The following SAXO1 variants were observed in gnomAD, a reference collection of about 807,000 sequenced individuals.
SAXO1 encodes the protein 4930500O09Rik.
A neutral mutation model predicts 17.5 loss-of-function variants in SAXO1; 21 were observed. The observed-to-expected ratio is 1.20, with a 90% CI of 0.85 to 1.72. SAXO1 has a LOEUF of 1.72. Among genes scored for constraint, SAXO1 ranks in the 40% most tolerant of loss-of-function variants. The probability of loss-of-function intolerance (pLI) is 0.00; values close to 1 mark genes in which losing one functional copy is unlikely to be tolerated. For missense variants in SAXO1, 843 were observed against 596.0 expected, an observed-to-expected ratio of 1.41 and a Z score of -4.32; for synonymous variants, 274 against 216.5, an observed-to-expected ratio of 1.27 and a Z score of -2.33.
intron 3 of SAXO1, among the ~76,000 whole-genome samples, chr9:18,940,016 G>A (rs1478129732): frequency 6.6e-6 from 1 of 152,180 alleles, no homozygotes; most frequent in Non-Finnish European, 1.5e-5. Context: ...TTTGCTAGGA[G>A]GAAACAGCAA....
intron 1 of SAXO1, among the ~76,000 whole-genome samples, chr9:18,985,602 G>A (rs763769691): frequency 1.4e-4 from 22 of 152,252 alleles, no homozygotes; most frequent in Non-Finnish European, 3.1e-4. Context: ...TGGCAAAGCT[G>A]CCCAAGGATG....
At chr9:19,018,881 T>A (rs969699406) in intron 1 of SAXO1, among the ~76,000 whole-genome samples, 1 of 151,860 alleles carries the variant, frequency 6.6e-6, no homozygotes, top group African/African-American at 2.4e-5. Flanking sequence ...AGGCTGAGGC[T>A]GGTGGATCAC....
At chr9:18,968,477 T>A (rs1832815515) in intron 1 of SAXO1, among the ~76,000 whole-genome samples, 1 of 152,218 alleles carries the variant, frequency 6.6e-6, no homozygotes, top group African/African-American at 2.4e-5. Flanking sequence ...GTTATACACT[T>A]GAAGTTTTTC....
chr9:18,937,900 G>A (rs2131688482), intron 3 of SAXO1, among the ~76,000 whole-genome samples: 1 of 152,170 alleles, frequency 6.6e-6, no homozygotes. Context: ...TAAGAAAGTA[G>A]TATTCAAAAA....
intron 1 of SAXO1, among the ~76,000 whole-genome samples, chr9:19,015,484 T>C (rs1158087643): frequency 6.6e-6 from 1 of 152,114 alleles, no homozygotes; most frequent in East Asian, 1.9e-4. Flanking sequence ...GCTGGGATTA[T>C]GTGTGTGTAC....
intron 1 of SAXO1, among the ~76,000 whole-genome samples, chr9:19,007,291 G>C (rs901202762): frequency 6.6e-6 from 1 of 152,018 alleles, no homozygotes; most frequent in African/African-American, 2.4e-5. Flanking sequence ...AGGTTGCAGT[G>C]AGCTGAGATC....
At chr9:19,003,102 GACAA>G (rs1209332321) in intron 1 of SAXO1, among the ~76,000 whole-genome samples, 3 of 152,048 alleles carry the variant, frequency 2.0e-5, no homozygotes, top group Non-Finnish European at 4.4e-5. Flanking sequence ...ACAAAGAACA[GACAA>G]ACAGAGAGCC....
upstream of SAXO1, among the ~76,000 whole-genome samples, chr9:19,033,709 G>A (rs190320638): frequency 1.1e-3 from 168 of 152,328 alleles, 1 homozygote; most frequent in African/African-American, 4.0e-3. Context: ...CACTTCTCCA[G>A]ATGCTGGTAA....
intron 1 of SAXO1, among the ~76,000 whole-genome samples, chr9:18,992,514 T>G (rs984653660): frequency 1.3e-5 from 2 of 152,188 alleles, no homozygotes; most frequent in African/African-American, 2.4e-5. Flanking sequence ...AAGATCATAT[T>G]TGGAGGCTGG....
chr9:19,029,895 C>A (rs913025599), intron 1 of SAXO1, among the ~76,000 whole-genome samples: 1 of 152,202 alleles, frequency 6.6e-6, no homozygotes, highest in Non-Finnish European at 1.5e-5. Flanking sequence ...AAACAAAAAA[C>A]GCCATCCATT....
At chr9:18,937,905 C>CA (rs920558398) in intron 3 of SAXO1, among the ~76,000 whole-genome samples, 45 of 151,196 alleles carry the variant, frequency 3.0e-4, no homozygotes, top group African/African-American at 6.5e-4. Context: ...AAGTAGTATT[C>CA]AAAAAAAAAC....
intron 1 of SAXO1, among the ~76,000 whole-genome samples, chr9:18,976,576 T>C (rs957266696): frequency 1.3e-5 from 2 of 152,214 alleles, no homozygotes; most frequent in African/African-American, 4.8e-5. Flanking sequence ...AAAGCAACTA[T>C]TCCTCTGGGG....
At chr9:18,929,661 T>C (rs1397161870) in intron 3 of SAXO1, among the ~76,000 whole-genome samples, 1 of 152,232 alleles carries the variant, frequency 6.6e-6, no homozygotes, top group Non-Finnish European at 1.5e-5. Context: ...ACTTATTACA[T>C]AACAGGCAGT....
chr9:19,016,746 CAA>C (rs1228549046), intron 1 of SAXO1, among the ~76,000 whole-genome samples: 5 of 146,812 alleles, frequency 3.4e-5, no homozygotes, highest in Non-Finnish European at 7.5e-5. Flanking sequence ...GAAATGTAAA[CAA>C]AAGTTATTAT....
chr9:18,958,770 C>T (rs929379573), intron 1 of SAXO1, among the ~76,000 whole-genome samples: 1 of 152,008 alleles, frequency 6.6e-6, no homozygotes, highest in African/African-American at 2.4e-5. Context: ...GGAAATGTCT[C>T]CAGGCTGTTG....
chr9:19,027,066 G>A, intron 1 of SAXO1: 1 of 848,040 alleles, frequency 1.2e-6, no homozygotes, highest in Non-Finnish European at 2.1e-6. Context: ...CAAGATCAAA[G>A]AGAACAGTGA....
In SAXO1 at chr9:18,991,374, T is replaced by C. The variant is rs1833805021; in HGVS notation, c.39-40437A>G. On this transcript the variant is annotated intron_variant, in intron 1 of 3. Coordinates refer to ENST00000380534, the MANE Select transcript of SAXO1 (RefSeq NM_153707.4). ...AATGCATCACATATACACCATGGAA[T>C]ACTATGCAGCCATAAAAAAGGATGA... Among the ~76,000 whole-genome samples, 3 of 152,288 alleles carry C rather than the reference T, an allele frequency of 2.0e-5. No homozygotes were observed. The South Asian group carries it at 6.2e-4, about 32-fold the overall frequency.
At chr9:19,027,865 C>A in intron 1 of SAXO1, 1 of 1,358,432 alleles carries the variant, frequency 7.4e-7, no homozygotes, top group Non-Finnish European at 1.0e-6. Flanking sequence ...CCCTGCTACG[C>A]TAGGGCGGCC....
At position 19,027,162 on chromosome 9, in the gene SAXO1, G is replaced by A. The variant is rs1265842626; in HGVS notation, c.38+5709C>T. 21 of 1,176,836 alleles carry A rather than the reference G, an allele frequency of 1.8e-5. 1 individual carries two copies. The highest frequency in any genetic ancestry group is 3.0e-5 in the African/African-American group (2 of 66,680). 72.9% of individuals were successfully genotyped at this position (1,176,836 alleles called of 1,614,324 possible). On this transcript the variant is annotated intron_variant, in intron 1 of 3. Coordinates refer to ENST00000380534, the MANE Select transcript of SAXO1 (RefSeq NM_153707.4). The stretch of plus-strand genomic sequence containing the variant: ...TGTTGATCCCAATGATCAAGAGGAG[G>A]ATGGTCCAAATATTGACCTGGACTC...
Sources: allele counts gnomAD v4.1 joint callset (sites outside exome capture counted in the v4.1 genomes callset), GRCh38; gene constraint gnomAD v4.1.1; transcripts MANE v1.5; gene names NCBI Gene and HGNC (gene_info 2026-07-23, HGNC 2026-07-21).